Variants in RANBP17 observed in about 807,000 individuals in gnomAD.
The protein encoded by RANBP17 is RAN binding protein 17.
Under a neutral mutation model 141.2 loss-of-function variants are expected in RANBP17, and 158 were observed. That is an observed-to-expected ratio of 1.12 (90% CI 0.98 to 1.28). The LOEUF is 1.28. RANBP17 is among the 50% of genes most tolerant of loss of function. The pLI, the probability that RANBP17 is intolerant of heterozygous loss-of-function variation, is 0.00. For missense variants in RANBP17, 1,438 were observed against 1,290.7 expected (o/e 1.11, Z -1.75); for synonymous variants, 430 against 450.0 (o/e 0.96, Z 0.56).
At chr5:171,232,419 A>C (rs1764257099) in intron 22 of RANBP17, among the ~76,000 whole-genome samples, 1 of 152,178 alleles carries the variant, frequency 6.6e-6, no homozygotes, top group Non-Finnish European at 1.5e-5. Context: ...TTGTACTACC[A>C]TGTCTTTTTC....
chr5:171,186,681 C>T lies in RANBP17; in HGVS notation c.2038+3251C>T, dbSNP rs913261964. Reference sequence around the variant, plus strand: ...CCTCCCAAGTAGCTGGGACTACAGGCGCCCGCCACTACGCCCGGCTAATTT... The same window carrying T: ...CCTCCCAAGTAGCTGGGACTACAGGTGCCCGCCACTACGCCCGGCTAATTT... On this transcript the variant is annotated intron_variant, in intron 18 of 27. Coordinates refer to ENST00000523189, the MANE Select transcript of RANBP17 (RefSeq NM_022897.5). Among the ~76,000 whole-genome samples, 4 of 148,482 alleles carry T rather than the reference C, an allele frequency of 2.7e-5. No individual in the cohort carries two copies. The East Asian group carries it at 7.9e-4, about 29-fold the overall frequency.
At chr5:170,947,247 T>C (rs890344074) in intron 12 of RANBP17, among the ~76,000 whole-genome samples, 2 of 152,172 alleles carry the variant, frequency 1.3e-5, no homozygotes, top group African/African-American at 4.8e-5. Context: ...CCTTTCCTTT[T>C]TCATGCCATG....
At chr5:170,979,948 T>G (rs1777645406) in intron 14 of RANBP17, among the ~76,000 whole-genome samples, 1 of 152,170 alleles carries the variant, frequency 6.6e-6, no homozygotes. Context: ...TGTGGGAAAG[T>G]TTGGATCTTC....
chr5:171,122,165 A>G (rs979131818), intron 14 of RANBP17, among the ~76,000 whole-genome samples: 1 of 152,136 alleles, frequency 6.6e-6, no homozygotes, highest in Non-Finnish European at 1.5e-5. Flanking sequence ...TGGTGCCTCA[A>G]TGCTGCCCTC....
At chr5:170,969,566 A>T (rs1273528592) in intron 14 of RANBP17, among the ~76,000 whole-genome samples, 1 of 151,978 alleles carries the variant, frequency 6.6e-6, no homozygotes, top group Non-Finnish European at 1.5e-5. Context: ...CAAAAGGGTT[A>T]CTCTCAAAAT....
intron 16 of RANBP17, among the ~76,000 whole-genome samples, chr5:171,173,937 A>T (rs1760268180): frequency 6.6e-6 from 1 of 152,162 alleles, no homozygotes; most frequent in Admixed American, 6.6e-5. Flanking sequence ...ACACTTTTTC[A>T]TAGGACTTCA....
chr5:171,274,323 T>C (rs1435454137), intron 25 of RANBP17, among the ~76,000 whole-genome samples: 1 of 152,144 alleles, frequency 6.6e-6, no homozygotes, highest in Non-Finnish European at 1.5e-5. Flanking sequence ...GTTTAGAAAG[T>C]TAATGCTTAT....
At chr5:171,134,932 A>C (rs1757167173) in intron 14 of RANBP17, among the ~76,000 whole-genome samples, 4 of 151,822 alleles carry the variant, frequency 2.6e-5, no homozygotes, top group Admixed American at 2.6e-4. Flanking sequence ...AAATAAAATA[A>C]AAATAAATTA....
At chr5:171,226,691 T>A (rs550145747) in intron 22 of RANBP17, among the ~76,000 whole-genome samples, 1 of 152,296 alleles carries the variant, frequency 6.6e-6, no homozygotes, top group Admixed American at 6.5e-5. Context: ...AGGACCACTT[T>A]GCCACCTTGA....
At chr5:171,287,959 A>C (rs1275208844) in intron 25 of RANBP17, among the ~76,000 whole-genome samples, 5 of 151,668 alleles carry the variant, frequency 3.3e-5, no homozygotes, top group Admixed American at 2.6e-4. Context: ...TTTTTTAGTT[A>C]TATTATTCAG....
chr5:170,871,372 G>A (rs560298339), intron 1 of RANBP17, among the ~76,000 whole-genome samples: 1 of 152,090 alleles, frequency 6.6e-6, no homozygotes, highest in East Asian at 1.9e-4. Flanking sequence ...TTTTTGATGG[G>A]GTTGTTTTTT....
In RANBP17 at chr5:171,299,959, A is replaced by G. The variant is rs1769023947; in HGVS notation, c.*1101A>G. Reference sequence around the variant, plus strand: ...ATCCTTTATTTCTGATAAGACATGAAAGGTTGGCCTTACTGTTGAACAATA... The same window carrying G: ...ATCCTTTATTTCTGATAAGACATGAGAGGTTGGCCTTACTGTTGAACAATA... On this transcript the variant is annotated 3_prime_UTR_variant, in exon 28 of 28. Coordinates refer to ENST00000523189, the MANE Select transcript of RANBP17 (RefSeq NM_022897.5). 1 of 193,934 alleles carries G rather than the reference A, an allele frequency of 5.2e-6. No individual in the cohort carries two copies. Among genetic ancestry groups the G allele is most frequent in the South Asian group, 1.9e-4 (1 of 5,188 alleles). 12.0% of individuals were successfully genotyped at this position (193,934 alleles called of 1,614,324 possible).
At chr5:170,883,993 G>A (rs1768943624) in intron 3 of RANBP17, among the ~76,000 whole-genome samples, 2 of 152,180 alleles carry the variant, frequency 1.3e-5, no homozygotes, top group African/African-American at 2.4e-5. Context: ...TGGATTATAT[G>A]TTAAGAGTGT....
intron 14 of RANBP17, among the ~76,000 whole-genome samples, chr5:171,064,539 C>T (rs1261173134): frequency 6.6e-6 from 1 of 152,020 alleles, no homozygotes; most frequent in African/African-American, 2.4e-5. Flanking sequence ...CTCTGTTGCC[C>T]AGGCTGTAGT....
At chr5:171,249,600 A>G (rs899237363) in intron 24 of RANBP17, among the ~76,000 whole-genome samples, 1 of 152,212 alleles carries the variant, frequency 6.6e-6, no homozygotes, top group Non-Finnish European at 1.5e-5. Context: ...CTGGAACTGA[A>G]GAATTCATTG....
At chr5:171,182,144 A>C (rs1266271125) in intron 16 of RANBP17, among the ~76,000 whole-genome samples, 1 of 152,248 alleles carries the variant, frequency 6.6e-6, no homozygotes, top group Non-Finnish European at 1.5e-5. Context: ...GTGAAGGAAA[A>C]AGAAAGCCAG....
At chr5:171,289,661 A>G (rs1460074615) in intron 25 of RANBP17, among the ~76,000 whole-genome samples, 1 of 152,102 alleles carries the variant, frequency 6.6e-6, no homozygotes, top group Non-Finnish European at 1.5e-5. Context: ...GCTTGAGACC[A>G]GGAGTTCGAG....
At chr5:170,939,566 A>T (rs961783337) in intron 12 of RANBP17, among the ~76,000 whole-genome samples, 1 of 151,908 alleles carries the variant, frequency 6.6e-6, no homozygotes, top group African/African-American at 2.4e-5. Flanking sequence ...GTATTGTTTT[A>T]GTAGAGACGG....
chr5:171,002,806 G>A (rs1018510064), intron 14 of RANBP17, among the ~76,000 whole-genome samples: 3 of 152,120 alleles, frequency 2.0e-5, no homozygotes, highest in African/African-American at 7.2e-5. Flanking sequence ...AGGAAAGAAG[G>A]AAATATGGGG....
Sources: allele counts gnomAD v4.1 joint callset (sites outside exome capture counted in the v4.1 genomes callset), GRCh38; gene constraint gnomAD v4.1.1; transcripts MANE v1.5; gene names NCBI Gene and HGNC (gene_info 2026-07-23, HGNC 2026-07-21).